SPTBN1: variants seen among roughly 807,000 people sequenced by gnomAD.
SPTBN1 encodes spectrin beta chain, non-erythrocytic 1.
Under a neutral mutation model 266.4 loss-of-function variants are expected in SPTBN1, and 32 were observed. That is an observed-to-expected ratio of 0.12 (90% CI 0.09 to 0.16). The LOEUF is 0.16. SPTBN1 is among the 10% of genes least tolerant of loss of function. SPTBN1 has a pLI of 1.00. For synonymous variants in SPTBN1, 1,336 were observed against 1,162.2 expected (o/e 1.15, Z -3.04); for missense variants, 2,296 against 3,067.1 (o/e 0.75, Z 5.94).
chr2:54,667,016 G>GCC (rs1681414731), intron 34 of SPTBN1, among the ~76,000 whole-genome samples: 1 of 152,286 alleles, frequency 6.6e-6, no homozygotes, highest in South Asian at 2.1e-4. Context: ...TTAGCGAACG[G>GCC]CCCCTACCCT....
At chr2:54,545,341 G>T (rs1462330627) in intron 2 of SPTBN1, 1 of 152,178 alleles carries the variant, frequency 6.6e-6, no homozygotes, top group Non-Finnish European at 1.5e-5. Context: ...GTGGAAGACA[G>T]TGTGGCAATT....
At position 54,629,677 on chromosome 2, in the gene SPTBN1, C is replaced by T; in HGVS notation, c.2543C>T (p.Thr848Ile). The T allele has an allele frequency of 6.2e-7, 1 of 1,613,878 alleles. No individual in the cohort carries two copies. The highest frequency in any genetic ancestry group is 1.3e-5 in the African/African-American group (1 of 75,082). Residue 848 changes from threonine (T) to isoleucine (I), a missense_variant, in exon 14 of 36, where the codon ACT (threonine) becomes ATT (isoleucine). Thr to Ile is a moderately conservative substitution (Grantham distance 89, BLOSUM62 -1). Coordinates refer to ENST00000356805, the MANE Select transcript of SPTBN1 (RefSeq NM_003128.3). ...CTGCGGAAGCAGGCACTCCAGGACA[C>T]TCTGGCCCTGTACAAGATGTTCAGC... ...TRLRKQALQD[T>I]LALYKMFSEA...
At chr2:54,500,599 G>A (rs1279761881) in intron 1 of SPTBN1, among the ~76,000 whole-genome samples, 2 of 152,166 alleles carry the variant, frequency 1.3e-5, no homozygotes, top group Non-Finnish European at 2.9e-5. Flanking sequence ...AGGCTGGAGT[G>A]CAGTGGCGCA....
chr2:54,607,351 G>A (rs906530540), intron 3 of SPTBN1, among the ~76,000 whole-genome samples: 1 of 152,176 alleles, frequency 6.6e-6, no homozygotes, highest in Non-Finnish European at 1.5e-5. Flanking sequence ...AGGCCGGGGG[G>A]CTGGCTCACG....
intron 10 of SPTBN1, among the ~76,000 whole-genome samples, chr2:54,623,863 CACTTT>C (rs1392955625): frequency 6.6e-6 from 1 of 152,216 alleles, no homozygotes; most frequent in Non-Finnish European, 1.5e-5. Context: ...AGATACATAT[CACTTT>C]ACTTCTCATC....
In SPTBN1 at chr2:54,624,786, G is replaced by A. The variant is rs773809661; in HGVS notation, c.1183-18G>A. On this transcript the variant is annotated intron_variant, in intron 10 of 35. Coordinates refer to ENST00000356805, the MANE Select transcript of SPTBN1 (RefSeq NM_003128.3). The stretch of plus-strand genomic sequence containing the variant: ...CAGGAAACTGTGTTTGTGTGTGTGT[G>A]TATTTTCATTTTTGTAGGCCTGGGA... The A allele has an allele frequency of 4.3e-6, 7 of 1,613,830 alleles. No homozygotes were observed. The highest frequency in any genetic ancestry group is 5.9e-6 in the Non-Finnish European group (7 of 1,179,956).
chr2:54,657,909 C>G lies in SPTBN1; in HGVS notation c.6106C>G (p.Gln2036Glu). The change falls in exon 30 of 36, where the codon CAG becomes GAG. Residue 2036 changes from glutamine to glutamate, a missense_variant. Physicochemically the swap from Gln to Glu is conservative, Grantham distance 29. This residue lies in a region of SPTBN1 where 644 missense variants were observed against 745.3 expected (regional missense o/e 0.86). Transcript: ENST00000356805. ...TGTGGCCGAGGCCTGGCTGCTTGGA[C>G]AGGAGCCGTACCTATCCAGCCGAGA... ...ASVAEAWLLGQEPYLSSREIG... is the reference protein window; with the variant it reads ...ASVAEAWLLGEEPYLSSREIG... 6.2e-7 allele frequency: 1 copy of G among 1,614,230 alleles called. No homozygotes were observed. Among genetic ancestry groups the G allele is most frequent in the African/African-American group, 1.3e-5 (1 of 75,058 alleles).
chr2:54,586,695 C>G (rs1279395346), intron 2 of SPTBN1, among the ~76,000 whole-genome samples: 1 of 152,098 alleles, frequency 6.6e-6, no homozygotes, highest in Non-Finnish European at 1.5e-5. Flanking sequence ...TTGTGTCTTT[C>G]TGGTTTAAAA....
At chr2:54,648,448 G>C (rs1211401413) in intron 24 of SPTBN1, among the ~76,000 whole-genome samples, 1 of 152,214 alleles carries the variant, frequency 6.6e-6, no homozygotes, top group Non-Finnish European at 1.5e-5. Context: ...CTCCTAACAA[G>C]GATGGGCACT....
rs78946746 is a variant in SPTBN1 at position 54,537,479 on chromosome 2, C to T, written c.148+10913C>T. On this transcript the variant is annotated intron_variant, in intron 2 of 35. Coordinates refer to ENST00000356805, the MANE Select transcript of SPTBN1 (RefSeq NM_003128.3). ...CCATATGTACAGAACACATCAGCTC[C>T]ATCCATCCATAGCTCAGAGGCATCT... 2.2e-3 allele frequency among the ~76,000 whole-genome samples: 334 copies of T among 152,364 alleles called. 1 individual carries two copies. Among genetic ancestry groups the T allele is most frequent in the Non-Finnish European group, 4.0e-3 (273 of 68,042 alleles).
chr2:54,521,324 G>A (rs1299226454), intron 1 of SPTBN1, among the ~76,000 whole-genome samples: 1 of 152,224 alleles, frequency 6.6e-6, no homozygotes, highest in African/African-American at 2.4e-5. Flanking sequence ...TGATGGCTAT[G>A]GTGGGAGCGA....
At position 54,646,158 on chromosome 2, in the gene SPTBN1, T is replaced by A. The variant is rs201377745; in HGVS notation, c.4585-36T>A. On this transcript the variant is annotated intron_variant, in intron 22 of 35. Coordinates refer to ENST00000356805, the MANE Select transcript of SPTBN1 (RefSeq NM_003128.3). This position sits in a 1 kb window ranked among gnomAD's most constrained non-coding sequence, Gnocchi z 4.4. ...ACATAAGCAGCAGACGGCTGCCATTTAGCAAGCCTTTGTGTGTATTTTCCG... is the reference window on the plus strand; with the variant it reads ...ACATAAGCAGCAGACGGCTGCCATTAAGCAAGCCTTTGTGTGTATTTTCCG... The A allele has an allele frequency of 1.9e-6, 3 of 1,592,466 alleles. No homozygotes were observed. The highest frequency in any genetic ancestry group is 1.7e-6 in the Non-Finnish European group (2 of 1,168,014).
Position 54,622,289 on chromosome 2 carries a change from C to T in SPTBN1, c.877-11C>T. ...CATGATCTTTTCAATTTTTCTATCC[C>T]TTGTTGCCAGGTGCTTGACAATGCT... On this transcript the variant is annotated splice_polypyrimidine_tract_variant and intron_variant, in intron 8 of 35. Coordinates refer to ENST00000356805, the MANE Select transcript of SPTBN1 (RefSeq NM_003128.3). The T allele has an allele frequency of 6.2e-7, 1 of 1,612,810 alleles. No individual in the cohort carries two copies. Among genetic ancestry groups the T allele is most frequent in the Non-Finnish European group, 8.5e-7 (1 of 1,179,198 alleles).
At chr2:54,462,942 C>T (rs747892191) in intron 1 of SPTBN1, among the ~76,000 whole-genome samples, 3 of 152,208 alleles carry the variant, frequency 2.0e-5, no homozygotes, top group Non-Finnish European at 4.4e-5. Context: ...AACTACCACT[C>T]GATTAAATCT....
In SPTBN1 at chr2:54,645,821, C is replaced by A; in HGVS notation, c.4495-107C>A. ...ACAGCCCTCCCGAGGGGGCTGAGCA[C>A]TCTCTGAAGCTCACCCTTGCTGTCC... is the stretch of plus-strand genomic sequence containing the variant. On this transcript the variant is annotated intron_variant, in intron 21 of 35. Transcript: ENST00000356805. The surrounding 1 kb of genome is among the most constrained non-coding windows in gnomAD (Gnocchi z 4.3). 1 of 1,237,100 alleles carries A rather than the reference C, an allele frequency of 8.1e-7. No individual in the cohort carries two copies. The allele number at this position is 1,237,100 out of a possible 1,614,324, so 76.6% of individuals were successfully genotyped here. A position where few individuals can be genotyped will look rare whatever the true frequency, so the allele number is the denominator to read the frequency against.
intron 2 of SPTBN1, among the ~76,000 whole-genome samples, chr2:54,553,341 G>A (rs1323610944): frequency 6.6e-6 from 1 of 152,204 alleles, no homozygotes; most frequent in Non-Finnish European, 1.5e-5. Flanking sequence ...TCCTAGGAAG[G>A]GAGTGGGTGG....
chr2:54,647,620 C>T (rs1410959898), intron 24 of SPTBN1, among the ~76,000 whole-genome samples: 1 of 152,144 alleles, frequency 6.6e-6, no homozygotes, highest in Non-Finnish European at 1.5e-5. Flanking sequence ...GGGAGGATTG[C>T]TTGAGCCCAG....
intron 2 of SPTBN1, chr2:54,545,304 G>A (rs1454720776): frequency 6.6e-6 from 1 of 152,164 alleles, no homozygotes; most frequent in African/African-American, 2.4e-5. Flanking sequence ...TATACTGTTG[G>A]TGGGAGTGTA....
intron 11 of SPTBN1, 113 bp from the exon 12 acceptor site, chr2:54,625,819 G>C: frequency 8.5e-7 from 1 of 1,173,698 alleles, no homozygotes; most frequent in Non-Finnish European, 1.2e-6. Flanking sequence ...TCGAACTCCT[G>C]ACCTCAAGTG....
Sources: allele counts gnomAD v4.1 joint callset (sites outside exome capture counted in the v4.1 genomes callset), GRCh38; gene constraint gnomAD v4.1.1; regional missense constraint gnomAD v4.1.1; non-coding constraint Gnocchi (gnomAD v3.1); transcripts MANE v1.5; gene names NCBI Gene and HGNC (gene_info 2026-07-23, HGNC 2026-07-21).